PECAM1: variants seen among roughly 807,000 people sequenced by gnomAD.
PECAM1 encodes the protein platelet endothelial cell adhesion molecule.
A neutral mutation model predicts 13.8 loss-of-function variants in PECAM1; 8 were observed. The ratio of observed to expected loss-of-function variants is 0.58; its 90% CI spans 0.34 to 1.05. PECAM1 has a LOEUF of 1.05. Among genes scored for constraint, PECAM1 ranks in the 50% least tolerant of loss-of-function variants. The probability of loss-of-function intolerance (pLI) is 0.03; values close to 1 mark genes in which losing one functional copy is unlikely to be tolerated. For synonymous variants in PECAM1, 136 were observed against 52.6 expected (o/e 2.58, Z -6.86); for missense variants, 304 against 141.2 (o/e 2.15, Z -5.84).
chr17:64,324,646 C>A (rs2034896190), intron 15 of PECAM1, among the ~76,000 whole-genome samples: 1 of 152,156 alleles, frequency 6.6e-6, no homozygotes, highest in South Asian at 2.1e-4. Context: ...AAATGAAGGA[C>A]TGAACTTAGA....
chr17:64,341,584 T>A (rs940113395), intron 14 of PECAM1, 50 bp downstream of exon 14: 5,293 of 424,884 alleles, frequency 0.012, 253 homozygotes, highest in African/African-American at 0.097. Flanking sequence ...GCCCCATCAG[T>A]GATTCTAGGG....
At chr17:64,367,649 G>T (rs1212674886) in intron 5 of PECAM1, among the ~76,000 whole-genome samples, 6 of 151,976 alleles carry the variant, frequency 3.9e-5, no homozygotes, top group African/African-American at 1.5e-4. Flanking sequence ...AAGTATCTGA[G>T]ACAGAATGTC....
chr17:64,367,709 T>C (rs1449915348), intron 5 of PECAM1, among the ~76,000 whole-genome samples: 5 of 152,186 alleles, frequency 3.3e-5, no homozygotes, highest in Non-Finnish European at 5.9e-5. Context: ...GGTCTAGTTA[T>C]GTCTATGAAT....
At chr17:64,371,884 T>TA in intron 4 of PECAM1, among the ~76,000 whole-genome samples, 2 of 152,206 alleles carry the variant, frequency 1.3e-5, no homozygotes, top group South Asian at 4.2e-4. Flanking sequence ...CCAGGAACAA[T>TA]AAAAATGACT....
chr17:64,343,838 T>G (rs1055678575), intron 13 of PECAM1, among the ~76,000 whole-genome samples: 24 of 152,298 alleles, frequency 1.6e-4, no homozygotes, highest in Non-Finnish European at 3.2e-4. Flanking sequence ...CAAGGAAAGC[T>G]GTAGGGATCC....
At chr17:64,367,232 A>G (rs1378992287) in intron 5 of PECAM1, among the ~76,000 whole-genome samples, 1 of 152,134 alleles carries the variant, frequency 6.6e-6, no homozygotes, top group Non-Finnish European at 1.5e-5. Context: ...ATTCAGATGC[A>G]TTATTTGTCA....
chr17:64,371,361 C>T (rs921595598), intron 4 of PECAM1, among the ~76,000 whole-genome samples: 2 of 152,022 alleles, frequency 1.3e-5, no homozygotes, highest in African/African-American at 2.4e-5. Context: ...ATATCACTGA[C>T]AAATAGCTAA....
intron 15 of PECAM1, among the ~76,000 whole-genome samples, chr17:64,326,063 A>C (rs1246030986): frequency 2.0e-5 from 3 of 152,214 alleles, no homozygotes; most frequent in African/African-American, 7.2e-5. Context: ...TCACAGAAGC[A>C]ACTCTGGAGT....
intron 6 of PECAM1, among the ~76,000 whole-genome samples, chr17:64,360,814 A>ATGTGTGTGTGTG (rs144008571): frequency 1.2e-3 from 170 of 141,436 alleles, no homozygotes; most frequent in Non-Finnish European, 1.5e-3. Flanking sequence ...AGCCAACAAA[A>ATGTGTGTGTGTG]TGTGTGTGTG....
intron 5 of PECAM1, among the ~76,000 whole-genome samples, chr17:64,368,808 G>A (rs2036168787): frequency 6.7e-6 from 1 of 149,080 alleles, no homozygotes; most frequent in African/African-American, 2.5e-5. Flanking sequence ...GGCCGAGATC[G>A]TGCCACTGCA....
intron 4 of PECAM1, 62 bp downstream of exon 4, chr17:64,374,989 C>A (rs1407000353): frequency 2.2e-6 from 1 of 451,166 alleles, no homozygotes; most frequent in Non-Finnish European, 4.1e-6. Context: ...GTTCTGGGTT[C>A]TTTCTCCCCA....
At chr17:64,386,977 A>G (rs2036607608) in intron 2 of PECAM1, among the ~76,000 whole-genome samples, 1 of 151,872 alleles carries the variant, frequency 6.6e-6, no homozygotes, top group Admixed American at 6.6e-5. Context: ...GGAGGTGTTG[A>G]GAGGGGAGCT....
intron 13 of PECAM1, among the ~76,000 whole-genome samples, chr17:64,345,346 T>C (rs1395142836): frequency 3.3e-5 from 5 of 152,158 alleles, no homozygotes; most frequent in African/African-American, 9.7e-5. Flanking sequence ...AGGGTCTGTA[T>C]GTGCTTGTGC....
At chr17:64,344,133 G>C (rs1021117026) in intron 13 of PECAM1, among the ~76,000 whole-genome samples, 1 of 152,190 alleles carries the variant, frequency 6.6e-6, no homozygotes, top group East Asian at 1.9e-4. Flanking sequence ...GCCCACAGTG[G>C]GGGCTGGGGC....
At chr17:64,361,338 G>T (rs1348250316) in intron 6 of PECAM1, among the ~76,000 whole-genome samples, 1 of 152,022 alleles carries the variant, frequency 6.6e-6, no homozygotes, top group Non-Finnish European at 1.5e-5. Flanking sequence ...TAGAGAGGGG[G>T]TTTCACCATG....
chr17:64,324,697 TA>T (rs879984876), intron 15 of PECAM1, among the ~76,000 whole-genome samples: 5 of 152,178 alleles, frequency 3.3e-5, no homozygotes, highest in Non-Finnish European at 5.9e-5. Context: ...GATTCTACCT[TA>T]AAAAGAGAAT....
chr17:64,348,178 C>A (rs2143762986), intron 13 of PECAM1, 82 bp downstream of exon 13: 1 of 461,136 alleles, frequency 2.2e-6, no homozygotes, highest in Non-Finnish European at 4.0e-6. Flanking sequence ...ACTCTTCTCA[C>A]TGAACACAGC....
chr17:64,327,479 C>G (rs933537437), intron 15 of PECAM1, among the ~76,000 whole-genome samples: 2 of 152,204 alleles, frequency 1.3e-5, no homozygotes, highest in African/African-American at 4.8e-5. Flanking sequence ...GATCCTAGCA[C>G]CTGGACAGTT....
At chr17:64,337,913 T>A (rs1297704644) in intron 14 of PECAM1, among the ~76,000 whole-genome samples, 10 of 109,328 alleles carry the variant, frequency 9.1e-5, no homozygotes, top group Non-Finnish European at 1.5e-4. Flanking sequence ...TACTTCTTCC[T>A]TTTTTTTTTT....
Sources: gnomAD v4.1 joint callset for allele counts (sites outside exome capture counted in the v4.1 genomes callset) on GRCh38, gnomAD v4.1.1 for gene constraint, MANE v1.5 for transcripts, NCBI Gene and HGNC (gene_info 2026-07-23, HGNC 2026-07-21) for gene names.